The following SUMF1 variants were observed in gnomAD, a reference collection of about 807,000 sequenced individuals.
SUMF1 encodes sulfatase modifying factor 1.
A neutral mutation model predicts 47.6 loss-of-function variants in SUMF1; 48 were observed. That is an observed-to-expected ratio of 1.01 (90% CI 0.80 to 1.28). SUMF1 has a LOEUF of 1.28. Ranked by LOEUF, SUMF1 falls within the 50% of genes most tolerant of loss-of-function variation. The pLI is 0.00. For missense variants in SUMF1, 571 were observed against 485.4 expected (o/e 1.18, Z -1.66); for synonymous variants, 230 against 192.1 (o/e 1.20, Z -1.63).
At chr3:4,237,235 T>G (rs1485886467) in intron 8 of SUMF1, among the ~76,000 whole-genome samples, 2 of 152,146 alleles carry the variant, frequency 1.3e-5, no homozygotes, top group Non-Finnish European at 2.9e-5. Flanking sequence ...TGTACCATTT[T>G]GCATTTCTAC....
At chr3:4,112,468 G>C (rs762131197) in intron 8 of SUMF1, among the ~76,000 whole-genome samples, 1 of 152,118 alleles carries the variant, frequency 6.6e-6, no homozygotes, top group Non-Finnish European at 1.5e-5. Flanking sequence ...AGAGGCAATA[G>C]AAGATGCTAA....
At chr3:4,242,731 T>G (rs1696569644) in intron 8 of SUMF1, among the ~76,000 whole-genome samples, 1 of 152,146 alleles carries the variant, frequency 6.6e-6, no homozygotes, top group Non-Finnish European at 1.5e-5. Flanking sequence ...GGCCTAAATT[T>G]TTCTCTTTTT....
intron 8 of SUMF1, among the ~76,000 whole-genome samples, chr3:4,324,324 G>T (rs1698898218): frequency 6.6e-6 from 1 of 152,006 alleles, no homozygotes; most frequent in Non-Finnish European, 1.5e-5. Context: ...TTATAATATA[G>T]ACCAAAAAGT....
chr3:4,184,681 C>G (rs1167890986), intron 8 of SUMF1, among the ~76,000 whole-genome samples: 2 of 146,162 alleles, frequency 1.4e-5, no homozygotes, highest in African/African-American at 5.1e-5. Context: ...GACAGTCTTG[C>G]TCTGCTGCCC....
rs1461900832 is a variant in SUMF1 at position 4,267,725 on chromosome 3, G to C, written c.1014+108605C>G. 4.0e-5 allele frequency among the ~76,000 whole-genome samples: 6 copies of C among 150,610 alleles called. 1 individual carries two copies. The highest frequency in any genetic ancestry group is 1.2e-4 in the African/African-American group (5 of 40,830). Reference sequence around the variant, plus strand: ...CAGTTAGAATGGCAATCATTAAAAAGTCAGGAAACAACAGGTGCTGGAGAG... The same window carrying C: ...CAGTTAGAATGGCAATCATTAAAAACTCAGGAAACAACAGGTGCTGGAGAG... On this transcript the variant is annotated intron_variant and NMD_transcript_variant, in intron 8 of 12. Coordinates refer to the SUMF1 transcript ENST00000448413.
intron 8 of SUMF1, among the ~76,000 whole-genome samples, chr3:4,241,899 T>C (rs141136778): frequency 5.3e-4 from 80 of 152,284 alleles, no homozygotes; most frequent in Middle Eastern, 3.4e-3. Context: ...GGACCAGTTG[T>C]GACATTTACA....
chr3:4,065,590 T>C (rs1379927924), intron 9 of SUMF1, among the ~76,000 whole-genome samples: 1 of 152,184 alleles, frequency 6.6e-6, no homozygotes, highest in Non-Finnish European at 1.5e-5. Flanking sequence ...ATCTCATTTA[T>C]TTATTAAAGC....
chr3:4,162,192 A>G (rs1454774649), intron 8 of SUMF1, among the ~76,000 whole-genome samples: 1 of 152,098 alleles, frequency 6.6e-6, no homozygotes, highest in Non-Finnish European at 1.5e-5. Context: ...TTGCAAGACA[A>G]AGTCCTCTTT....
intron 8 of SUMF1, among the ~76,000 whole-genome samples, chr3:4,120,698 C>T (rs998924590): frequency 2.0e-5 from 3 of 152,048 alleles, no homozygotes; most frequent in African/African-American, 7.2e-5. Context: ...GAGGTTTGGG[C>T]AAAGTGACTT....
intron 8 of SUMF1, among the ~76,000 whole-genome samples, chr3:4,205,299 C>T (rs1695627141): frequency 6.6e-6 from 1 of 152,164 alleles, no homozygotes; most frequent in Admixed American, 6.5e-5. Flanking sequence ...CCACCTATCC[C>T]CAAAACCTAT....
chr3:4,456,762 GTA>G (rs1196804308), intron 1 of SUMF1, among the ~76,000 whole-genome samples: 1 of 93,020 alleles, frequency 1.1e-5, no homozygotes, highest in East Asian at 3.1e-4. Flanking sequence ...ACGTGTGTGT[GTA>G]TATATACACA....
intron 3 of SUMF1, among the ~76,000 whole-genome samples, chr3:4,437,230 A>C (rs1488302493): frequency 6.6e-6 from 1 of 152,232 alleles, no homozygotes; most frequent in African/African-American, 2.4e-5. Flanking sequence ...AACAAATTAG[A>C]ATGAAAGAGT....
At chr3:4,322,381 A>T (rs1172346291) in intron 8 of SUMF1, among the ~76,000 whole-genome samples, 1 of 152,082 alleles carries the variant, frequency 6.6e-6, no homozygotes, top group African/African-American at 2.4e-5. Flanking sequence ...ATGTACCATA[A>T]CTAATGTTAG....
intron 8 of SUMF1, among the ~76,000 whole-genome samples, chr3:4,348,874 T>TCAAA (rs373677206): frequency 2.6e-5 from 4 of 152,034 alleles, no homozygotes; most frequent in South Asian, 4.1e-4. Flanking sequence ...AAGCGCCGTC[T>TCAAA]CAAACAAACA....
At chr3:4,146,170 G>A (rs1694189197) in intron 8 of SUMF1, among the ~76,000 whole-genome samples, 1 of 152,060 alleles carries the variant, frequency 6.6e-6, no homozygotes, top group Non-Finnish European at 1.5e-5. Context: ...CGTGTGTTCT[G>A]GGAGGATTTC....
At chr3:4,272,773 A>G (rs1467771603) in intron 8 of SUMF1, among the ~76,000 whole-genome samples, 1 of 152,168 alleles carries the variant, frequency 6.6e-6, no homozygotes, top group Non-Finnish European at 1.5e-5. Flanking sequence ...GTTTCTTTAA[A>G]AATTAAATTT....
At chr3:4,142,943 A>G (rs1385240224) in intron 8 of SUMF1, among the ~76,000 whole-genome samples, 1 of 152,106 alleles carries the variant, frequency 6.6e-6, no homozygotes, top group African/African-American at 2.4e-5. Flanking sequence ...TCCAGTCCCA[A>G]GAAGAACTCA....
At chr3:4,037,757 G>A (rs1694825062) in intron 9 of SUMF1, among the ~76,000 whole-genome samples, 1 of 152,278 alleles carries the variant, frequency 6.6e-6, no homozygotes, top group South Asian at 2.1e-4. Flanking sequence ...GAGTTCTTAT[G>A]TTGATTCTTT....
intron 8 of SUMF1, among the ~76,000 whole-genome samples, chr3:4,287,829 G>C (rs1697663175): frequency 6.6e-6 from 1 of 152,190 alleles, no homozygotes; most frequent in Non-Finnish European, 1.5e-5. Flanking sequence ...TTTGTGCTTA[G>C]AAAATTCTAT....
Sources: allele counts gnomAD v4.1 joint callset (sites outside exome capture counted in the v4.1 genomes callset), GRCh38; gene constraint gnomAD v4.1.1; transcripts MANE v1.5; gene names NCBI Gene and HGNC (gene_info 2026-07-23, HGNC 2026-07-21).